The following NAV2 variants were observed in gnomAD, a reference collection of about 807,000 sequenced individuals.
The protein encoded by NAV2 is helicase, APC down-regulated 1.
In NAV2, 54 loss-of-function variants were observed where a neutral mutation model predicts 223.2. That is an observed-to-expected ratio of 0.24 (90% CI 0.19 to 0.30). NAV2 has a LOEUF of 0.30. NAV2 is among the 10% of genes least tolerant of loss of function. NAV2 has a pLI of 1.00. For missense variants in NAV2, 2,806 were observed against 3,147.5 expected, an observed-to-expected ratio of 0.89 and a Z score of 2.60; for synonymous variants, 1,279 against 1,239.3, an observed-to-expected ratio of 1.03 and a Z score of -0.67.
At chr11:19,517,670 C>T (rs897662387) in intron 1 of NAV2, among the ~76,000 whole-genome samples, 7 of 152,260 alleles carry the variant, frequency 4.6e-5, no homozygotes, top group Non-Finnish European at 8.8e-5. Context: ...TTGCACCATG[C>T]ACCAGTGGTA....
At chr11:19,624,995 T>A (rs1339663515) in intron 1 of NAV2, among the ~76,000 whole-genome samples, 1 of 152,220 alleles carries the variant, frequency 6.6e-6, no homozygotes, top group African/African-American at 2.4e-5. Flanking sequence ...TTGATACATA[T>A]AATGTATAGT....
intron 1 of NAV2, chr11:19,510,971 A>G (rs1318217537): frequency 6.6e-6 from 1 of 152,202 alleles, no homozygotes; most frequent in Non-Finnish European, 1.5e-5. Context: ...CAGCTTCGTG[A>G]TGTACAATGT....
intron 1 of NAV2, among the ~76,000 whole-genome samples, chr11:19,473,360 G>A (rs2042022508): frequency 6.6e-6 from 1 of 151,954 alleles, no homozygotes; most frequent in Non-Finnish European, 1.5e-5. Context: ...GGGGGTGGGG[G>A]GAGAGGCTTG....
At chr11:19,376,912 A>G (rs1336649522) in intron 1 of NAV2, among the ~76,000 whole-genome samples, 1 of 152,200 alleles carries the variant, frequency 6.6e-6, no homozygotes, top group Non-Finnish European at 1.5e-5. Context: ...CCTAGGCACC[A>G]CTTATTGGCC....
chr11:19,964,770 G>C (rs1445136384), intron 10 of NAV2, among the ~76,000 whole-genome samples: 2 of 145,826 alleles, frequency 1.4e-5, no homozygotes, highest in Non-Finnish European at 3.0e-5. Context: ...CAAAACGTTG[G>C]GATTACAGGC....
intron 1 of NAV2, among the ~76,000 whole-genome samples, chr11:19,741,699 A>G (rs1306344621): frequency 0.035 from 337 of 9,640 alleles, 4 homozygotes; most frequent in Non-Finnish European, 0.11. Context: ...ATATATATAT[A>G]TATATATATA....
chr11:19,941,271 C>T (rs747971628), intron 8 of NAV2, among the ~76,000 whole-genome samples: 11 of 152,008 alleles, frequency 7.2e-5, no homozygotes, highest in Admixed American at 2.0e-4. Flanking sequence ...TGCTGTCAAT[C>T]GGCTGCGGGG....
intron 1 of NAV2, among the ~76,000 whole-genome samples, chr11:19,544,489 T>G (rs919131539): frequency 5.3e-5 from 8 of 152,168 alleles, no homozygotes; most frequent in African/African-American, 1.9e-4. Flanking sequence ...CCTCCTGGAT[T>G]CTGCCTCCCT....
At chr11:19,802,519 C>T (rs1189951036) in intron 1 of NAV2, among the ~76,000 whole-genome samples, 2 of 152,096 alleles carry the variant, frequency 1.3e-5, no homozygotes, top group Non-Finnish European at 2.9e-5. Context: ...TGTCCATGCT[C>T]TTAATTTTGG....
chr11:19,638,004 C>T (rs1206832124), intron 1 of NAV2, among the ~76,000 whole-genome samples: 1 of 152,198 alleles, frequency 6.6e-6, no homozygotes, highest in African/African-American at 2.4e-5. Context: ...AAATATTCTA[C>T]ATATGTTATC....
intron 36 of NAV2, among the ~76,000 whole-genome samples, chr11:20,110,994 G>C (rs1278452582): frequency 1.3e-5 from 2 of 152,134 alleles, no homozygotes; most frequent in African/African-American, 4.8e-5. Flanking sequence ...CTGTCATCAG[G>C]GGATGAGGAT....
intron 26 of NAV2, among the ~76,000 whole-genome samples, chr11:20,083,639 C>T (rs910419897): frequency 2.6e-5 from 4 of 152,060 alleles, no homozygotes; most frequent in African/African-American, 9.7e-5. Flanking sequence ...AGGTAGTCTG[C>T]AAGGAAAGTT....
At chr11:19,606,045 T>C (rs1229550098) in intron 1 of NAV2, among the ~76,000 whole-genome samples, 2 of 152,166 alleles carry the variant, frequency 1.3e-5, no homozygotes, top group East Asian at 1.9e-4. Context: ...TTTTGAACTA[T>C]ATAATTTTAT....
intron 1 of NAV2, among the ~76,000 whole-genome samples, chr11:19,579,756 C>T (rs2045663055): frequency 6.6e-6 from 1 of 152,168 alleles, no homozygotes; most frequent in Admixed American, 6.5e-5. Flanking sequence ...TCCTACATGA[C>T]CTGGTCTAGG....
At chr11:19,862,152 T>A (rs924728271) in intron 3 of NAV2, among the ~76,000 whole-genome samples, 1 of 152,256 alleles carries the variant, frequency 6.6e-6, no homozygotes, top group Non-Finnish European at 1.5e-5. Flanking sequence ...GATAATTTTT[T>A]TTTGTATCCA....
rs2152239202 is a variant in NAV2, at chr11:19,684,724, T to A, written c.76-147760T>A. ...GAGTGAGGAATATATTTCTCCCTCA[T>A]CCAGTCCTGAGTCTCATCATATTTC... On this transcript the variant is annotated intron_variant, in intron 1 of 37. Coordinates refer to the NAV2 transcript ENST00000360655. 5.9e-5 allele frequency among the ~76,000 whole-genome samples: 9 copies of A among 152,252 alleles called. 1 individual carries two copies. The Middle Eastern group carries it at 0.027, about 460-fold the overall frequency.
chr11:19,792,265 C>A (rs945944476), intron 1 of NAV2, among the ~76,000 whole-genome samples: 9 of 152,194 alleles, frequency 5.9e-5, no homozygotes, highest in Non-Finnish European at 1.2e-4. Context: ...CCCTTTGCCT[C>A]TCCCTTCTCC....
At chr11:20,081,072 A>G (rs778618019) in intron 25 of NAV2, among the ~76,000 whole-genome samples, 1 of 152,168 alleles carries the variant, frequency 6.6e-6, no homozygotes, top group Non-Finnish European at 1.5e-5. Flanking sequence ...GTCCTCATTC[A>G]TTCTGTACAC....
intron 10 of NAV2, among the ~76,000 whole-genome samples, chr11:19,968,272 A>G (rs1417871919): frequency 6.6e-6 from 1 of 152,166 alleles, no homozygotes; most frequent in Non-Finnish European, 1.5e-5. Flanking sequence ...ATCTCGGCTC[A>G]CTGCAACCTC....
Sources: gnomAD v4.1 joint callset for allele counts (sites outside exome capture counted in the v4.1 genomes callset) on GRCh38, gnomAD v4.1.1 for gene constraint, MANE v1.5 for transcripts, NCBI Gene and HGNC (gene_info 2026-07-23, HGNC 2026-07-21) for gene names.